The following CD6 variants were observed in gnomAD, a reference collection of about 807,000 sequenced individuals.
The protein encoded by CD6 is CD6 molecule.
Under a neutral mutation model 75.3 loss-of-function variants are expected in CD6, and 53 were observed. The observed-to-expected ratio is 0.70, with a 90% CI of 0.56 to 0.88. CD6 has a LOEUF of 0.88. Ranked by LOEUF, CD6 falls within the 40% of genes least tolerant of loss-of-function variation. The pLI is 0.00. For synonymous variants in CD6, 359 were observed against 381.5 expected, an observed-to-expected ratio of 0.94 and a Z score of 0.69; for missense variants, 770 against 897.1, an observed-to-expected ratio of 0.86 and a Z score of 1.81.
At chr11:60,978,840 C>G (rs1048838284) in intron 1 of CD6, among the ~76,000 whole-genome samples, 2 of 152,226 alleles carry the variant, frequency 1.3e-5, no homozygotes, top group Non-Finnish European at 2.9e-5. Flanking sequence ...AAATCCCCAA[C>G]TCACCAAAGT....
In CD6 at chr11:61,011,092, G is replaced by T; in HGVS notation, c.1107G>T (p.Leu369=). The change falls in exon 6 of 13, where the codon CTG becomes CTT. Residue 369 remains leucine, a synonymous_variant. Transcript: ENST00000313421. ...LCSASRSLHN[L]STPEVPASVQ... ...CAGCTTCCCGGAGTTTGCACAATCT[G>T]TCCACTCCCGAAGTCCCTGCAAGTG... The T allele has an allele frequency of 6.2e-7, 1 of 1,614,056 alleles. No individual in the cohort carries two copies. The highest frequency in any genetic ancestry group is 8.5e-7 in the Non-Finnish European group (1 of 1,180,006).
chr11:60,976,402 T>C (rs1405526984), intron 1 of CD6, among the ~76,000 whole-genome samples: 1 of 152,230 alleles, frequency 6.6e-6, no homozygotes, highest in Non-Finnish European at 1.5e-5. Context: ...CCTGCTCACA[T>C]TCATGAGGAA....
chr11:60,996,462 A>C (rs892256335), intron 1 of CD6, among the ~76,000 whole-genome samples: 1 of 152,228 alleles, frequency 6.6e-6, no homozygotes, highest in Non-Finnish European at 1.5e-5. Flanking sequence ...GCCACTGGGC[A>C]AGGGGCAGGT....
intron 1 of CD6, chr11:60,982,919 CA>C (rs1207667311): frequency 4.3e-5 from 16 of 369,418 alleles, no homozygotes; most frequent in African/African-American, 3.4e-4. Context: ...ACTAACTCCC[CA>C]CCCCCACCCC....
intron 1 of CD6, among the ~76,000 whole-genome samples, chr11:60,975,846 A>T (rs1037026371): frequency 1.3e-5 from 2 of 152,226 alleles, no homozygotes; most frequent in African/African-American, 4.8e-5. Flanking sequence ...ATTTAAAATT[A>T]CATGCGTAAC....
At chr11:60,977,731 G>C (rs559808970) in intron 1 of CD6, among the ~76,000 whole-genome samples, 2 of 152,158 alleles carry the variant, frequency 1.3e-5, no homozygotes, top group South Asian at 2.1e-4. Flanking sequence ...CTGGGCTCAA[G>C]GGATCCTCCC....
Position 61,019,424 on chromosome 11 carries a change from T to C in CD6, c.*106T>C. On this transcript the variant is annotated 3_prime_UTR_variant, in exon 13 of 13. Coordinates refer to ENST00000313421, the MANE Select transcript of CD6 (RefSeq NM_006725.5). Reference sequence around the variant, plus strand: ...CTCCCAGCTCACCTCCCCATGGAGCTGAGAGGCCTCCCTTGGAGAGATGGA... The same window carrying C: ...CTCCCAGCTCACCTCCCCATGGAGCCGAGAGGCCTCCCTTGGAGAGATGGA... 3 of 837,044 alleles carry C rather than the reference T, an allele frequency of 3.6e-6. No individual in the cohort carries two copies. Among genetic ancestry groups the C allele is most frequent in the Non-Finnish European group, 5.6e-6 (3 of 537,254 alleles). The allele number at this position is 837,044 out of a possible 1,614,324, so 51.9% of individuals were successfully genotyped here. A position where few individuals can be genotyped will look rare whatever the true frequency, so the allele number is the denominator to read the frequency against.
chr11:60,972,827 A>T (rs11230539), intron 1 of CD6, among the ~76,000 whole-genome samples: 11,648 of 152,178 alleles, frequency 0.077, 617 homozygotes, highest in Non-Finnish European at 0.12. Context: ...GACTGGGTAC[A>T]TGTCGCGAGA....
chr11:60,979,947 C>T (rs1281685907), intron 1 of CD6, among the ~76,000 whole-genome samples: 1 of 152,220 alleles, frequency 6.6e-6, no homozygotes, highest in Non-Finnish European at 1.5e-5. Context: ...GCTGCAACCA[C>T]CACCCATTAC....
At chr11:60,992,549 C>T (rs1043392906) in intron 1 of CD6, among the ~76,000 whole-genome samples, 17 of 152,038 alleles carry the variant, frequency 1.1e-4, no homozygotes, top group Admixed American at 4.6e-4. Flanking sequence ...ACCTGAGGGC[C>T]GGGCGCTGTG....
At position 61,013,570 on chromosome 11, in the gene CD6, G is replaced by A; in HGVS notation, c.1291+7G>A. On this transcript the variant is annotated splice_region_variant and intron_variant, in intron 7 of 12. Coordinates refer to ENST00000313421, the MANE Select transcript of CD6 (RefSeq NM_006725.5). Reference sequence around the variant, plus strand: ...AGAATTAAAGGAAAATATGGTAAGTGCAAGGTTCTGGGAGCCATGGCCATC... The same window carrying A: ...AGAATTAAAGGAAAATATGGTAAGTACAAGGTTCTGGGAGCCATGGCCATC... 1 of 1,613,974 alleles carries A rather than the reference G, an allele frequency of 6.2e-7. No individual in the cohort carries two copies. Among genetic ancestry groups the A allele is most frequent in the Non-Finnish European group, 8.5e-7 (1 of 1,179,954 alleles).
intron 1 of CD6, among the ~76,000 whole-genome samples, chr11:60,987,444 T>C (rs1230993054): frequency 1.3e-5 from 2 of 152,118 alleles, no homozygotes; most frequent in Non-Finnish European, 2.9e-5. Flanking sequence ...CCAAATAAGC[T>C]CACATTCTGG....
At chr11:60,981,708 G>A (rs1857564571) in intron 1 of CD6, among the ~76,000 whole-genome samples, 1 of 152,202 alleles carries the variant, frequency 6.6e-6, no homozygotes, top group Non-Finnish European at 1.5e-5. Flanking sequence ...AACAGACGGA[G>A]GCAGAGGGAA....
chr11:60,997,118 G>A (rs1035878430), intron 1 of CD6, among the ~76,000 whole-genome samples: 4 of 152,132 alleles, frequency 2.6e-5, no homozygotes, highest in Non-Finnish European at 4.4e-5. Context: ...GCTCATGCCT[G>A]TAATCCCAGC....
intron 1 of CD6, among the ~76,000 whole-genome samples, chr11:61,002,629 A>T (rs1858638921): frequency 1.3e-5 from 2 of 152,250 alleles, no homozygotes; most frequent in African/African-American, 2.4e-5. Context: ...AATTCACAGG[A>T]AAGGGTAAAA....
intron 10 of CD6, 30 bp downstream of exon 10, chr11:61,017,580 G>T: frequency 6.4e-7 from 1 of 1,551,410 alleles, no homozygotes; most frequent in Non-Finnish European, 8.8e-7. Flanking sequence ...GGTGTGAATG[G>T]CAGTCCCACC....
intron 1 of CD6, among the ~76,000 whole-genome samples, chr11:60,998,422 T>C (rs891869206): frequency 6.6e-6 from 1 of 152,172 alleles, no homozygotes; most frequent in Admixed American, 6.5e-5. Flanking sequence ...ATCTCATCAA[T>C]CTGTCATTAT....
intron 1 of CD6, among the ~76,000 whole-genome samples, chr11:60,991,286 G>C (rs1466914476): frequency 1.3e-5 from 2 of 150,954 alleles, no homozygotes; most frequent in African/African-American, 4.9e-5. Context: ...GAGTAGCTAG[G>C]ATTGCAGGCA....
chr11:60,978,008 C>T (rs1000601949), intron 1 of CD6, among the ~76,000 whole-genome samples: 1 of 152,140 alleles, frequency 6.6e-6, no homozygotes, highest in Non-Finnish European at 1.5e-5. Flanking sequence ...CTGTAGATGT[C>T]AGAGAGACTT....
Sources: allele counts gnomAD v4.1 joint callset (sites outside exome capture counted in the v4.1 genomes callset), GRCh38; gene constraint gnomAD v4.1.1; transcripts MANE v1.5; gene names NCBI Gene and HGNC (gene_info 2026-07-23, HGNC 2026-07-21).